The following MTRR variants were observed in gnomAD, a reference collection of about 807,000 sequenced individuals.
MTRR encodes 5-methyltetrahydrofolate-homocysteine methyltransferase reductase.
Under a neutral mutation model 79.2 loss-of-function variants are expected in MTRR, and 63 were observed. The ratio of observed to expected loss-of-function variants is 0.80; its 90% CI spans 0.65 to 0.98. The LOEUF is 0.98. MTRR is among the 50% of genes least tolerant of loss of function. The pLI, the probability that MTRR is intolerant of heterozygous loss-of-function variation, is 0.00. For synonymous variants in MTRR, 355 were observed against 313.3 expected, an observed-to-expected ratio of 1.13 and a Z score of -1.41; for missense variants, 895 against 839.6, an observed-to-expected ratio of 1.07 and a Z score of -0.82.
At chr5:7,881,071 G>A (rs747925588) in intron 5 of MTRR, among the ~76,000 whole-genome samples, 1 of 152,138 alleles carries the variant, frequency 6.6e-6, no homozygotes, top group South Asian at 2.1e-4. Flanking sequence ...GCAAAGGATC[G>A]TTTTTATTGG....
intron 1 of MTRR, among the ~76,000 whole-genome samples, chr5:7,856,269 A>G (rs1418356395): frequency 6.6e-6 from 1 of 152,210 alleles, no homozygotes; most frequent in African/African-American, 2.4e-5. Flanking sequence ...CATATAGACA[A>G]CAGTTAGATG....
At position 7,891,424 on chromosome 5, in the gene MTRR, T is replaced by G; in HGVS notation, c.1370+10T>G. 6.2e-7 allele frequency: 1 copy of G among 1,603,066 alleles called. No individual in the cohort carries two copies. Among genetic ancestry groups the G allele is most frequent in the Non-Finnish European group, 8.5e-7 (1 of 1,170,388 alleles). ...CATATTCGTGTGCAAGGTACTACTA[T>G]TTATTCACGTAATATATAGCATTGT... is the stretch of plus-strand genomic sequence containing the variant. On this transcript the variant is annotated intron_variant, in intron 10 of 14. Transcript: ENST00000440940.
chr5:7,854,901 T>C (rs1479014648), intron 1 of MTRR, among the ~76,000 whole-genome samples: 1 of 152,182 alleles, frequency 6.6e-6, no homozygotes, highest in Non-Finnish European at 1.5e-5. Context: ...AGTCTAGTCT[T>C]TCACCTTCTT....
chr5:7,869,354 C>G, intron 1 of MTRR, 139 bp downstream of exon 1: 1 of 897,998 alleles, frequency 1.1e-6, no homozygotes, highest in East Asian at 2.6e-5. Flanking sequence ...CGGGGGTCGC[C>G]GCGGGCGCGG....
chr5:7,873,356 A>T lies in MTRR; in HGVS notation c.130-17A>T. 7 of 1,614,130 alleles carry T rather than the reference A, an allele frequency of 4.3e-6. No homozygotes were observed. Among genetic ancestry groups the T allele is most frequent in the Non-Finnish European group, 5.9e-6 (7 of 1,179,974 alleles). On this transcript the variant is annotated splice_polypyrimidine_tract_variant and intron_variant, in intron 2 of 14. Coordinates refer to ENST00000440940, the MANE Select transcript of MTRR (RefSeq NM_002454.3). Reference sequence around the variant, plus strand: ...CATGTAGTGTTAGGTCCCTGACTTGATATCCTTGTTTTGTAGTATGACCTA... The same window carrying T: ...CATGTAGTGTTAGGTCCCTGACTTGTTATCCTTGTTTTGTAGTATGACCTA...
rs1737207653 is a variant in MTRR at position 7,889,567 on chromosome 5, C to T, written c.1327+292C>T. On this transcript the variant is annotated intron_variant, in intron 9 of 14. Transcript: ENST00000440940. ...CTATCATTTTCTCTCTTAATAGAGT[C>T]AGTTGTTACTCTCTTTTTGGCTCAG... 1.3e-5 allele frequency among the ~76,000 whole-genome samples: 2 copies of T among 152,020 alleles called. 1 individual carries two copies. Among genetic ancestry groups the T allele is most frequent in the South Asian group, 4.1e-4 (2 of 4,830 alleles).
upstream of MTRR, chr5:7,866,900 GTT>G: frequency 6.2e-7 from 1 of 1,614,142 alleles, no homozygotes; most frequent in Non-Finnish European, 8.5e-7. Context: ...GCAAACAAAA[GTT>G]TCTGCCACTG....
chr5:7,868,929 T>G (rs1561121744), upstream of MTRR: 1 of 653,164 alleles, frequency 1.5e-6, no homozygotes, highest in Non-Finnish European at 2.8e-6. Flanking sequence ...CGGCCAGGTC[T>G]TTGACACCCA....
intron 3 of MTRR, 142 bp from the exon 4 acceptor site, chr5:7,875,116 G>A: frequency 1.4e-6 from 1 of 703,604 alleles, no homozygotes; most frequent in Non-Finnish European, 2.5e-6. Context: ...ATTACTCAAG[G>A]AAAATAAAAT....
At chr5:7,866,875 A>C, upstream of MTRR, 1 of 1,614,116 alleles carries the variant, frequency 6.2e-7, no homozygotes, top group Non-Finnish European at 8.5e-7. Context: ...GACGAGGTGA[A>C]AATTTTTCTG....
chr5:7,879,307 C>T (rs987148777), intron 5 of MTRR, among the ~76,000 whole-genome samples: 5 of 151,882 alleles, frequency 3.3e-5, no homozygotes, highest in East Asian at 1.9e-4. Flanking sequence ...TTCATGGCAG[C>T]GGGGATAGAG....
At chr5:7,885,135 A>T (rs1340554728) in intron 6 of MTRR, 4 of 160,346 alleles carry the variant, frequency 2.5e-5, no homozygotes, top group Non-Finnish European at 5.4e-5. Context: ...AATAGACTTG[A>T]CTTGGGAAGT....
intron 12 of MTRR, 125 bp downstream of exon 12, chr5:7,895,977 A>G (rs894219739): frequency 3.2e-6 from 4 of 1,232,330 alleles, no homozygotes; most frequent in East Asian, 5.0e-5. Flanking sequence ...TCAATGTGCG[A>G]TAACATAATT....
intron 2 of MTRR, among the ~76,000 whole-genome samples, chr5:7,863,531 TATAATG>T (rs761027571): frequency 1.3e-5 from 2 of 152,110 alleles, no homozygotes; most frequent in African/African-American, 4.8e-5. Flanking sequence ...AACTGGTAAA[TATAATG>T]AGAATATTTT....
At chr5:7,875,982 G>A (rs1249160018) in intron 4 of MTRR, among the ~76,000 whole-genome samples, 4 of 152,178 alleles carry the variant, frequency 2.6e-5, no homozygotes, top group East Asian at 3.8e-4. Context: ...TTATTCAGTG[G>A]TCCTACAGAT....
chr5:7,896,175 A>C (rs1460787255), intron 12 of MTRR, among the ~76,000 whole-genome samples: 1 of 152,204 alleles, frequency 6.6e-6, no homozygotes, highest in Non-Finnish European at 1.5e-5. Context: ...TCTATCCCTT[A>C]ATTGGATACA....
Position 7,856,474 on chromosome 5 carries a change from C to T in MTRR, n.391+4889C>T, listed in dbSNP as rs188026460. Among the ~76,000 whole-genome samples, 403 of 152,242 alleles carry T rather than the reference C, an allele frequency of 2.6e-3. 2 individuals are homozygous for T. Among genetic ancestry groups the T allele is most frequent in the African/African-American group, 8.8e-3 (367 of 41,532 alleles). The stretch of plus-strand genomic sequence containing the variant: ...ACATGACCCTTCACCGCGAGCTGTA[C>T]GATAAAGTTTAACTGAGAATGAAGG... On this transcript the variant is annotated intron_variant and non_coding_transcript_variant, in intron 1 of 3. Coordinates refer to the MTRR transcript ENST00000502509.
At chr5:7,886,524 T>G in intron 7 of MTRR, 91 bp from the exon 8 acceptor site, 1 of 997,760 alleles carries the variant, frequency 1.0e-6, no homozygotes, top group Non-Finnish European at 1.6e-6. Flanking sequence ...CGCTGTAAAG[T>G]ACTACAGTAA....
Position 7,863,625 on chromosome 5 carries a change from A to G in MTRR, n.498+1568A>G, listed in dbSNP as rs561000643. Among the ~76,000 whole-genome samples, 14 of 152,350 alleles carry G rather than the reference A, an allele frequency of 9.2e-5. No homozygotes were observed. The East Asian group carries it at 2.7e-3, about 29-fold the overall frequency. ...ATAAGGGATACTCAATCTGTAATGG[A>G]AAATGTGATATAAATGACATTCCAG... On this transcript the variant is annotated intron_variant and non_coding_transcript_variant, in intron 2 of 3. Transcript: ENST00000502509.
Sources: gnomAD v4.1 joint callset for allele counts (sites outside exome capture counted in the v4.1 genomes callset) on GRCh38, gnomAD v4.1.1 for gene constraint, MANE v1.5 for transcripts, NCBI Gene and HGNC (gene_info 2026-07-23, HGNC 2026-07-21) for gene names.